SESTD1: variants seen among roughly 807,000 people sequenced by gnomAD.
SESTD1 encodes SEC14 domain and spectrin repeat-containing protein 1.
Under a neutral mutation model 101.7 loss-of-function variants are expected in SESTD1, and 43 were observed. That is an observed-to-expected ratio of 0.42 (90% CI 0.33 to 0.55). SESTD1 has a LOEUF of 0.55. Ranked by LOEUF, SESTD1 falls within the 20% of genes least tolerant of loss-of-function variation. The pLI, the probability that SESTD1 is intolerant of heterozygous loss-of-function variation, is 0.07. For synonymous variants in SESTD1, 283 were observed against 286.8 expected (o/e 0.99, Z 0.13); for missense variants, 647 against 815.1 (o/e 0.79, Z 2.51).
intron 1 of SESTD1, among the ~76,000 whole-genome samples, chr2:179,200,549 G>C (rs920873603): frequency 1.3e-5 from 2 of 152,018 alleles, no homozygotes; most frequent in Non-Finnish European, 2.9e-5. Flanking sequence ...AACCAAAACA[G>C]CATGGTACTG....
intron 1 of SESTD1, among the ~76,000 whole-genome samples, chr2:179,239,196 C>G (rs1313640602): frequency 6.6e-6 from 1 of 152,160 alleles, no homozygotes; most frequent in Non-Finnish European, 1.5e-5. Context: ...AAGCTCTGTA[C>G]TGTTCCTGCA....
chr2:179,114,367 C>A (rs894376263), intron 16 of SESTD1, among the ~76,000 whole-genome samples: 4 of 152,062 alleles, frequency 2.6e-5, no homozygotes, highest in Non-Finnish European at 5.9e-5. Flanking sequence ...TCGAACATTC[C>A]CTACATATAA....
chr2:179,117,666 A>G, intron 13 of SESTD1, 53 bp from the exon 14 acceptor site: 2 of 1,378,336 alleles, frequency 1.5e-6, no homozygotes, highest in South Asian at 2.9e-5. Flanking sequence ...ATTGATTACT[A>G]TTGTAACATC....
intron 1 of SESTD1, among the ~76,000 whole-genome samples, chr2:179,197,638 G>A (rs201941391): frequency 0.018 from 2,213 of 123,338 alleles, no homozygotes; most frequent in South Asian, 0.022. Context: ...AGCCAGAAGA[G>A]AGTGGGGGCC....
chr2:179,107,753 G>C lies in SESTD1; in HGVS notation c.*2146C>G, dbSNP rs1182175501. 6.6e-6 allele frequency: 1 copy of C among 152,182 alleles called. No homozygotes were observed. The highest frequency in any genetic ancestry group is 2.4e-5 in the African/African-American group (1 of 41,448). The allele number at this position is 152,182 out of a possible 1,614,324, so 9.4% of individuals were successfully genotyped here. On this transcript the variant is annotated 3_prime_UTR_variant, in exon 18 of 18. Transcript: ENST00000428443. ...ATGGGCATCTGTTATGCATGAGCAA[G>C]ACTGGGAATAGGAGAAGACAAGATT...
At chr2:179,150,349 TAAAA>T (rs553106299) in intron 6 of SESTD1, among the ~76,000 whole-genome samples, 1 of 143,164 alleles carries the variant, frequency 7.0e-6, no homozygotes, top group African/African-American at 2.6e-5. Flanking sequence ...AGTAGTTCAA[TAAAA>T]AAAAAAAATC....
chr2:179,140,904 CT>C (rs2045262564), intron 9 of SESTD1, among the ~76,000 whole-genome samples: 1 of 152,188 alleles, frequency 6.6e-6, no homozygotes, highest in Non-Finnish European at 1.5e-5. Flanking sequence ...ACTCTTCACA[CT>C]TTCTCATCTC....
chr2:179,149,244 T>C, intron 7 of SESTD1, 53 bp downstream of exon 7: 2 of 1,264,338 alleles, frequency 1.6e-6, no homozygotes, highest in Non-Finnish European at 2.2e-6. Context: ...ATATCTTTTA[T>C]CAGAATAATT....
chr2:179,236,695 A>G (rs916500295), intron 1 of SESTD1, among the ~76,000 whole-genome samples: 4 of 151,790 alleles, frequency 2.6e-5, no homozygotes, highest in African/African-American at 9.7e-5. Context: ...ATATGTAAGA[A>G]CAAGTCCTAG....
intron 5 of SESTD1, among the ~76,000 whole-genome samples, chr2:179,156,551 T>C (rs536382061): frequency 1.3e-5 from 2 of 152,358 alleles, no homozygotes; most frequent in South Asian, 2.1e-4. Context: ...ATTGTGGTAC[T>C]GATTTGCATT....
chr2:179,149,805 T>C (rs551086693), intron 6 of SESTD1, among the ~76,000 whole-genome samples: 21 of 152,258 alleles, frequency 1.4e-4, no homozygotes, highest in Non-Finnish European at 2.4e-4. Context: ...AGTTGTTATA[T>C]ACATGCATGT....
intron 1 of SESTD1, among the ~76,000 whole-genome samples, chr2:179,197,141 C>A (rs557023163): frequency 1.3e-5 from 2 of 152,102 alleles, no homozygotes; most frequent in African/African-American, 4.8e-5. Flanking sequence ...AAAACCAAGG[C>A]TCGAGAACTA....
chr2:179,153,282 C>T (rs1430647813), intron 5 of SESTD1, among the ~76,000 whole-genome samples: 1 of 152,062 alleles, frequency 6.6e-6, no homozygotes, highest in Non-Finnish European at 1.5e-5. Flanking sequence ...TTAGTATTGC[C>T]ATTCTGCAAT....
At position 179,116,273 on chromosome 2, in the gene SESTD1, T is replaced by TAAA. The variant is rs371896290; in HGVS notation, c.1647+392_1647+394dup. ...TGGGCAACAGAGGAAGACTGTGTCTTAAAAAAAAAAAAAAAGACACTTTTC... is the reference window on the plus strand; with the variant it reads ...TGGGCAACAGAGGAAGACTGTGTCTTAAAAAAAAAAAAAAAAAAGACACTTTTC... On this transcript the variant is annotated intron_variant, in intron 15 of 17. Coordinates refer to ENST00000428443, the MANE Select transcript of SESTD1 (RefSeq NM_178123.5). Among the ~76,000 whole-genome samples the TAAA allele has an allele frequency of 3.1e-4, 43 of 139,326 alleles. No homozygotes were observed. The East Asian group carries it at 5.0e-3, about 16-fold the overall frequency. The allele number at this position is 139,326 out of a possible 152,430, so 91.4% of individuals were successfully genotyped here.
At chr2:179,231,074 A>G (rs1215274414) in intron 1 of SESTD1, among the ~76,000 whole-genome samples, 3 of 152,130 alleles carry the variant, frequency 2.0e-5, no homozygotes, top group Admixed American at 2.0e-4. Flanking sequence ...TTTCCACCCA[A>G]CCTGTACTAC....
chr2:179,129,162 A>C (rs1004694619), intron 10 of SESTD1, among the ~76,000 whole-genome samples: 54 of 152,246 alleles, frequency 3.5e-4, no homozygotes, highest in African/African-American at 1.3e-3. Context: ...ATAATGCACC[A>C]GAGAAAGTGG....
At chr2:179,146,372 T>C in intron 8 of SESTD1, 30 bp downstream of exon 8, 1 of 1,561,890 alleles carries the variant, frequency 6.4e-7, no homozygotes, top group Non-Finnish European at 8.8e-7. Flanking sequence ...GTTTACTGGA[T>C]TATTATCACA....
intron 5 of SESTD1, among the ~76,000 whole-genome samples, chr2:179,163,095 T>C (rs761622752): frequency 1.3e-5 from 2 of 152,150 alleles, no homozygotes; most frequent in Non-Finnish European, 1.5e-5. Flanking sequence ...AACTTATGGA[T>C]CTATAGAACA....
In SESTD1 at chr2:179,143,641, T is replaced by C. The variant is rs1474546963; in HGVS notation, c.800A>G (p.Gln267Arg). Residue 267 changes from glutamine to arginine, a missense_variant, in exon 9 of 18, where the codon CAA becomes CGA. Around this residue, in one of 3 missense-constraint regions of SESTD1, gnomAD observed 476 missense variants for 562.6 expected, o/e 0.85. Coordinates refer to ENST00000428443, the MANE Select transcript of SESTD1 (RefSeq NM_178123.5). ...QYTRYQEVCRQRSKRTQLEEI... is the reference protein window; with the variant it reads ...QYTRYQEVCRRRSKRTQLEEI... ...TTCTAACTGTGTGCGCTTGCTACGT[T>C]GCCTACAAACTTCCTGGTAGCGGGT... 1 of 1,614,042 alleles carries C rather than the reference T, an allele frequency of 6.2e-7. No homozygotes were observed. The highest frequency in any genetic ancestry group is 1.1e-5 in the South Asian group (1 of 91,082).
Sources: gnomAD v4.1 joint callset for allele counts (sites outside exome capture counted in the v4.1 genomes callset) on GRCh38, gnomAD v4.1.1 for gene constraint, gnomAD v4.1.1 regional missense constraint, MANE v1.5 for transcripts, NCBI Gene and HGNC (gene_info 2026-07-23, HGNC 2026-07-21) for gene names.